The following CSMD1 variants were observed in gnomAD, a reference collection of about 807,000 sequenced individuals.
The protein encoded by CSMD1 is CUB and Sushi multiple domains 1.
CSMD1 carries 213 observed loss-of-function variants against 417.5 expected under a neutral mutation model. That is an observed-to-expected ratio of 0.51 (90% CI 0.46 to 0.57). CSMD1 has a LOEUF of 0.57. Among genes scored for constraint, CSMD1 ranks in the 20% least tolerant of loss-of-function variants. The pLI is 0.00. For missense variants in CSMD1, 6,923 were observed against 4,529.7 expected (o/e 1.53, Z -15.17); for synonymous variants, 2,862 against 1,736.8 (o/e 1.65, Z -16.11).
intron 1 of CSMD1, among the ~76,000 whole-genome samples, chr8:4,714,316 A>G (rs972020426): frequency 2.0e-5 from 3 of 152,150 alleles, no homozygotes; most frequent in Non-Finnish European, 4.4e-5. Flanking sequence ...AGAAATCTAG[A>G]CCTTTCTCAC....
chr8:3,468,623 A>G (rs1816916530), intron 12 of CSMD1, 89 bp downstream of exon 12: 1 of 731,666 alleles, frequency 1.4e-6, no homozygotes, highest in Admixed American at 2.7e-5. Flanking sequence ...TGACTTGTTG[A>G]TTTTACTTCT....
Position 3,665,281 on chromosome 8 carries a change from G to T in CSMD1, c.1009+43133C>A, listed in dbSNP as rs112584807. Among the ~76,000 whole-genome samples the T allele has an allele frequency of 8.5e-5, 13 of 152,270 alleles. No homozygotes were observed. In the East Asian group the frequency reaches 1.2e-3, roughly 14 times the overall value. ...CACATCTGTAATTCCTGTAATCCCAGCACTTTAGGAGGCTGAGGTGGGCGG... is the reference window on the plus strand; with the variant it reads ...CACATCTGTAATTCCTGTAATCCCATCACTTTAGGAGGCTGAGGTGGGCGG... On this transcript the variant is annotated intron_variant, in intron 7 of 69. Transcript: ENST00000635120.
At chr8:4,627,469 C>G (rs907454154) in intron 2 of CSMD1, among the ~76,000 whole-genome samples, 2 of 152,134 alleles carry the variant, frequency 1.3e-5, no homozygotes, top group African/African-American at 2.4e-5. Context: ...AGTAAATTAA[C>G]AATTTTACTG....
intron 5 of CSMD1, among the ~76,000 whole-genome samples, chr8:3,790,291 A>C (rs1799663428): frequency 6.6e-6 from 1 of 152,216 alleles, no homozygotes; most frequent in Non-Finnish European, 1.5e-5. Context: ...AAGATGAAGT[A>C]AGTCATGTGT....
chr8:3,446,723 T>A (rs180834892), intron 12 of CSMD1, among the ~76,000 whole-genome samples: 37 of 152,358 alleles, frequency 2.4e-4, no homozygotes, highest in African/African-American at 7.2e-4. Context: ...ATTTTACTTA[T>A]AAAGTGCAAA....
At chr8:4,751,309 C>T (rs1268574294) in intron 1 of CSMD1, among the ~76,000 whole-genome samples, 3 of 151,884 alleles carry the variant, frequency 2.0e-5, no homozygotes, top group African/African-American at 4.8e-5. Context: ...CGCTTGAACC[C>T]AGGAAGTGGA....
At chr8:2,964,201 T>C (rs1456176402) in intron 59 of CSMD1, among the ~76,000 whole-genome samples, 1 of 152,232 alleles carries the variant, frequency 6.6e-6, no homozygotes, top group Non-Finnish European at 1.5e-5. Context: ...AACAACCGCT[T>C]GCATTTTGTG....
At chr8:3,152,446 G>C (rs1056663443) in intron 39 of CSMD1, among the ~76,000 whole-genome samples, 1 of 152,174 alleles carries the variant, frequency 6.6e-6, no homozygotes, top group Non-Finnish European at 1.5e-5. Context: ...TATGCAAAAT[G>C]TTTTAAACAA....
At chr8:4,265,923 T>A (rs1346591941) in intron 3 of CSMD1, among the ~76,000 whole-genome samples, 3 of 103,826 alleles carry the variant, frequency 2.9e-5, no homozygotes, top group African/African-American at 7.9e-5. Context: ...AGAAATAGAT[T>A]TCCCCCCATT....
rs557269993 is a variant in CSMD1, at chr8:3,624,734, C to A, written c.1010-7937G>T. Among the ~76,000 whole-genome samples, 281 of 152,296 alleles carry A rather than the reference C, an allele frequency of 1.8e-3. 1 individual carries two copies. The highest frequency in any genetic ancestry group is 5.9e-3 in the African/African-American group (245 of 41,570). On this transcript the variant is annotated intron_variant, in intron 7 of 69. Transcript: ENST00000635120. ...CACTCTAGGATATGTGTTTGAGGGA[C>A]ACTCTAGACTTCAGACCTTCCTGCT...
intron 2 of CSMD1, among the ~76,000 whole-genome samples, chr8:4,449,700 G>GA (rs1799017947): frequency 2.0e-5 from 3 of 152,106 alleles, no homozygotes; most frequent in African/African-American, 7.2e-5. Context: ...GGGAGAGAGA[G>GA]GGAGTATGGG....
chr8:3,926,030 C>A (rs1240854746), intron 5 of CSMD1, among the ~76,000 whole-genome samples: 1 of 132,004 alleles, frequency 7.6e-6, no homozygotes. Flanking sequence ...CACACACACA[C>A]ACACACACAC....
At chr8:3,482,877 ATC>A (rs202082385) in intron 11 of CSMD1, among the ~76,000 whole-genome samples, 7 of 152,180 alleles carry the variant, frequency 4.6e-5, no homozygotes, top group African/African-American at 7.2e-5. Flanking sequence ...TTTCTAAATA[ATC>A]CATGATTCAA....
intron 50 of CSMD1, among the ~76,000 whole-genome samples, chr8:3,031,832 C>G (rs1810358507): frequency 6.7e-6 from 1 of 149,640 alleles, no homozygotes; most frequent in African/African-American, 2.5e-5. Context: ...TTGTAATTAT[C>G]TTAGGCTAGT....
chr8:3,807,202 G>T (rs575509638), intron 5 of CSMD1, among the ~76,000 whole-genome samples: 2 of 152,108 alleles, frequency 1.3e-5, no homozygotes, highest in African/African-American at 4.8e-5. Flanking sequence ...AAATTTTCAT[G>T]AAGAAGCCAG....
intron 7 of CSMD1, among the ~76,000 whole-genome samples, chr8:3,632,266 A>G (rs1334262816): frequency 1.3e-5 from 2 of 152,184 alleles, no homozygotes; most frequent in African/African-American, 4.8e-5. Context: ...AATGCATCTT[A>G]AATCAACAGT....
At chr8:3,780,992 T>A (rs781544402) in intron 5 of CSMD1, among the ~76,000 whole-genome samples, 11 of 152,288 alleles carry the variant, frequency 7.2e-5, no homozygotes, top group East Asian at 1.9e-4. Flanking sequence ...ATCTGTGACA[T>A]TTTGTGTGAC....
rs937627392 is a variant in CSMD1 at position 3,791,289 on chromosome 8, T to C, written c.819-37247A>G. On this transcript the variant is annotated intron_variant, in intron 5 of 69. Transcript: ENST00000635120. ...TGTATGATAAACTTGCTCTAATTAA[T>C]GAACATAAATTTAGGTATCTGAATT... 3.3e-5 allele frequency among the ~76,000 whole-genome samples: 5 copies of C among 152,332 alleles called. No individual in the cohort carries two copies. The South Asian group carries it at 1.0e-3, about 32-fold the overall frequency.
intron 3 of CSMD1, among the ~76,000 whole-genome samples, chr8:4,328,790 C>T (rs1799701709): frequency 6.6e-6 from 1 of 152,164 alleles, no homozygotes; most frequent in South Asian, 2.1e-4. Context: ...AAAGTATTCT[C>T]TTTGAAATAA....
Sources: allele counts gnomAD v4.1 joint callset (sites outside exome capture counted in the v4.1 genomes callset), GRCh38; gene constraint gnomAD v4.1.1; transcripts MANE v1.5; gene names NCBI Gene and HGNC (gene_info 2026-07-23, HGNC 2026-07-21).